The following SMCHD1 variants were observed in gnomAD, a reference collection of about 807,000 sequenced individuals.
SMCHD1 encodes the protein structural maintenance of chromosomes flexible hinge domain-containing protein 1.
In SMCHD1, 78 loss-of-function variants were observed where a neutral mutation model predicts 254.7. The observed-to-expected ratio is 0.31, with a 90% CI of 0.26 to 0.37. The LOEUF (loss-of-function observed/expected upper bound fraction) is 0.37. Ranked by LOEUF, SMCHD1 falls within the 10% of genes least tolerant of loss-of-function variation. The pLI is 1.00. For synonymous variants in SMCHD1, 766 were observed against 794.9 expected (o/e 0.96, Z 0.61); for missense variants, 1,840 against 2,408.1 (o/e 0.76, Z 4.94).
intron 37 of SMCHD1, chr18:2,764,179 T>A: frequency 5.2e-6 from 1 of 190,666 alleles, no homozygotes; most frequent in South Asian, 9.3e-5. Flanking sequence ...ATTTGTATTT[T>A]AAAAATATAC....
intron 37 of SMCHD1, chr18:2,764,027 A>G (rs1461200932): frequency 7.9e-6 from 3 of 381,864 alleles, no homozygotes; most frequent in Non-Finnish European, 1.4e-5. Context: ...GTTGTTTTTA[A>G]CTTTAGTGAC....
At chr18:2,741,612 TTGAA>T (rs1035244520) in intron 28 of SMCHD1, among the ~76,000 whole-genome samples, 6 of 152,204 alleles carry the variant, frequency 3.9e-5, no homozygotes, top group African/African-American at 1.4e-4. Flanking sequence ...CTGCGGAACT[TTGAA>T]TGATATTTTG....
chr18:2,776,458 C>T (rs1046502407), intron 42 of SMCHD1, among the ~76,000 whole-genome samples: 6 of 152,018 alleles, frequency 3.9e-5, no homozygotes, highest in African/African-American at 2.4e-5. Flanking sequence ...GTCCTCCCAC[C>T]TCAGCCTCCC....
intron 32 of SMCHD1, 145 bp from the exon 33 acceptor site, chr18:2,751,133 A>T: frequency 1.8e-6 from 1 of 552,276 alleles, no homozygotes; most frequent in East Asian, 3.6e-5. Flanking sequence ...GAATTTATAC[A>T]TTTCTTCATC....
chr18:2,709,985 G>A (rs538267247), intron 17 of SMCHD1, among the ~76,000 whole-genome samples: 2 of 152,226 alleles, frequency 1.3e-5, no homozygotes, highest in South Asian at 2.1e-4. Flanking sequence ...TCAGTGTTAC[G>A]AAGCTTTTCC....
In SMCHD1 at chr18:2,703,694, A is replaced by G; in HGVS notation, c.1650A>G (p.Glu550=). Residue 550 remains glutamate (E), a splice_region_variant and synonymous_variant, in exon 13 of 48, where the codon GAA becomes GAG. Transcript: ENST00000320876. The part of the protein sequence containing the change: ...TLFTRILNGQ[E]QRMKIDREFA... Reference sequence around the variant, plus strand: ...TAAAACATTTTAAAATTCTACAGGAACAGCGAATGAAAATTGACAGAGAAT... The same window carrying G: ...TAAAACATTTTAAAATTCTACAGGAGCAGCGAATGAAAATTGACAGAGAAT... The G allele has an allele frequency of 6.2e-7, 1 of 1,605,356 alleles. No homozygotes were observed. Among genetic ancestry groups the G allele is most frequent in the Non-Finnish European group, 8.5e-7 (1 of 1,176,442 alleles).
Position 2,740,783 on chromosome 18 carries a change from G to T in SMCHD1, c.3595G>T (p.Val1199Phe), listed in dbSNP as rs758026848. The T allele has an allele frequency of 6.2e-7, 1 of 1,610,560 alleles. No individual in the cohort carries two copies. The highest frequency in any genetic ancestry group is 1.1e-5 in the South Asian group (1 of 90,516). The change falls in exon 28 of 48, where the codon GTT becomes TTT. Residue 1199 changes from valine to phenylalanine, a missense_variant. This residue lies in a region of SMCHD1 where 881 missense variants were observed against 1,009.5 expected (regional missense o/e 0.87). Transcript: ENST00000320876. ...TTTATCTTCTTTGTCAATTGCTGGG[G>T]TTGGACTTGATAGCTCAAATTTGAA... ...SSLSSLSIAG[V>F]GLDSSNLKTT...
rs553713562 is a variant in SMCHD1, at chr18:2,747,936, A to C, written c.3927+289A>C. Among the ~76,000 whole-genome samples the C allele has an allele frequency of 2.0e-5, 3 of 152,312 alleles. No homozygotes were observed. In the East Asian group the frequency reaches 5.8e-4, roughly 29 times the overall value. On this transcript the variant is annotated intron_variant, in intron 30 of 47. Coordinates refer to ENST00000320876, the MANE Select transcript of SMCHD1 (RefSeq NM_015295.3). Reference sequence around the variant, plus strand: ...TTCAGATTAGGATGAATAAATAGATAATTAACACTGACAAAGTGAATGAAG... The same window carrying C: ...TTCAGATTAGGATGAATAAATAGATCATTAACACTGACAAAGTGAATGAAG...
chr18:2,685,720 A>G (rs189955958), intron 5 of SMCHD1, among the ~76,000 whole-genome samples: 1 of 152,288 alleles, frequency 6.6e-6, no homozygotes, highest in East Asian at 1.9e-4. Context: ...TTGTCATTAT[A>G]CAGTATTTGT....
rs755006372 is a variant in SMCHD1, at chr18:2,747,501, A to C, written c.3802-21A>C. 13 of 1,577,890 alleles carry C rather than the reference A, an allele frequency of 8.2e-6. No homozygotes were observed. The Admixed American group carries it at 2.3e-4, about 28-fold the overall frequency. ...GGCCCATATATTTTAGTGTTTCTTA[A>C]AATATTTCTATTCTTTTCAGTCCAT... On this transcript the variant is annotated intron_variant, in intron 29 of 47. Transcript: ENST00000320876.
chr18:2,662,868 A>G (rs928139735), intron 1 of SMCHD1, among the ~76,000 whole-genome samples: 1 of 152,030 alleles, frequency 6.6e-6, no homozygotes, highest in Non-Finnish European at 1.5e-5. Context: ...ATGGAATATG[A>G]GTATCTTTTA....
intron 14 of SMCHD1, among the ~76,000 whole-genome samples, chr18:2,706,130 G>A (rs904711934): frequency 3.3e-4 from 50 of 152,114 alleles, no homozygotes; most frequent in African/African-American, 1.2e-3. Context: ...CAAAACTGGA[G>A]TGGGTTTTTT....
intron 17 of SMCHD1, among the ~76,000 whole-genome samples, chr18:2,715,804 T>C (rs2074785389): frequency 6.6e-6 from 1 of 152,168 alleles, no homozygotes; most frequent in South Asian, 2.1e-4. Flanking sequence ...TGAGCTATGA[T>C]TGTGCCGCTG....
intron 7 of SMCHD1, 54 bp downstream of exon 7, chr18:2,688,801 G>A (rs2074108854): frequency 1.0e-6 from 1 of 998,698 alleles, no homozygotes; most frequent in Non-Finnish European, 1.4e-6. Context: ...ATAGACGGTG[G>A]GACAGAACTT....
intron 19 of SMCHD1, among the ~76,000 whole-genome samples, chr18:2,719,247 TCTCTC>T (rs961514056): frequency 1.4e-4 from 21 of 151,020 alleles, no homozygotes; most frequent in South Asian, 4.2e-4. Context: ...TTTCTTTTCC[TCTCTC>T]CTCTCCTCTC....
rs925175770 is a variant in SMCHD1 at position 2,803,869 on chromosome 18, T to C, written c.*1317T>C. On this transcript the variant is annotated 3_prime_UTR_variant, in exon 48 of 48. Transcript: ENST00000320876. ...GGATTTTGGTTTTTTGTGGGGTTTT[T>C]AAATTATTATTTTGGAATATTTGCA... 6.6e-6 allele frequency: 1 copy of C among 152,194 alleles called. No homozygotes were observed. Among genetic ancestry groups the C allele is most frequent in the South Asian group, 2.1e-4 (1 of 4,832 alleles). 9.4% of individuals were successfully genotyped at this position (152,194 alleles called of 1,614,324 possible).
chr18:2,782,251 T>TC (rs2076167940), intron 44 of SMCHD1, among the ~76,000 whole-genome samples: 1 of 152,156 alleles, frequency 6.6e-6, no homozygotes, highest in Non-Finnish European at 1.5e-5. Context: ...CCATGATAAC[T>TC]TTTTTTGTCC....
At chr18:2,671,554 T>C (rs2073602029) in intron 3 of SMCHD1, among the ~76,000 whole-genome samples, 1 of 151,930 alleles carries the variant, frequency 6.6e-6, no homozygotes, top group African/African-American at 2.4e-5. Context: ...TCTTTTTGAC[T>C]CTGGTGGACA....
intron 40 of SMCHD1, among the ~76,000 whole-genome samples, 151 bp downstream of exon 40, chr18:2,771,769 A>G (rs1225640119): frequency 6.6e-6 from 1 of 152,236 alleles, no homozygotes; most frequent in Non-Finnish European, 1.5e-5. Context: ...AATGACTAAC[A>G]AAATGATAGA....
Sources: allele counts gnomAD v4.1 joint callset (sites outside exome capture counted in the v4.1 genomes callset), GRCh38; gene constraint gnomAD v4.1.1; regional missense constraint gnomAD v4.1.1; transcripts MANE v1.5; gene names NCBI Gene and HGNC (gene_info 2026-07-23, HGNC 2026-07-21).